Variants in TRAPPC9 observed in about 807,000 individuals in gnomAD.
TRAPPC9 encodes IKK2 binding protein.
A neutral mutation model predicts 124.0 loss-of-function variants in TRAPPC9; 83 were observed. That is an observed-to-expected ratio of 0.67 (90% CI 0.56 to 0.80). TRAPPC9 has a LOEUF of 0.80. Ranked by LOEUF, TRAPPC9 falls within the 30% of genes least tolerant of loss-of-function variation. The pLI is 0.00. For synonymous variants in TRAPPC9, 638 were observed against 617.5 expected, an observed-to-expected ratio of 1.03 and a Z score of -0.49; for missense variants, 1,302 against 1,508.3, an observed-to-expected ratio of 0.86 and a Z score of 2.27.
In TRAPPC9 at chr8:140,111,816, C is replaced by T. The variant is rs531798960; in HGVS notation, c.2557-87737G>A. On this transcript the variant is annotated intron_variant, in intron 17 of 22. Coordinates refer to ENST00000438773, the MANE Select transcript of TRAPPC9 (RefSeq NM_001160372.4). ...GTGATCGGTGTGATAGATTAACATA[C>T]AGAAAACAGTGGGCAGATAAAACTC... Among the ~76,000 whole-genome samples, 3 of 152,338 alleles carry T rather than the reference C, an allele frequency of 2.0e-5. No homozygotes were observed. The South Asian group carries it at 6.2e-4, about 32-fold the overall frequency.
chr8:140,438,806 C>G (rs1234792257), intron 3 of TRAPPC9, among the ~76,000 whole-genome samples: 1 of 152,156 alleles, frequency 6.6e-6, no homozygotes, highest in Non-Finnish European at 1.5e-5. Flanking sequence ...ATTCTGCTGC[C>G]TCCGCCTCCC....
rs955684210 is a variant in TRAPPC9, at chr8:140,329,399, G to A, written c.1496-18025C>T. On this transcript the variant is annotated intron_variant, in intron 9 of 22. Transcript: ENST00000438773. ...GCAGCAACAAATTAAAAATGGGACA[G>A]GAGCAGACAAAGCGATGGCTCGTCT... Among the ~76,000 whole-genome samples, 3 of 152,320 alleles carry A rather than the reference G, an allele frequency of 2.0e-5. No homozygotes were observed. The East Asian group carries it at 5.8e-4, about 29-fold the overall frequency.
intron 11 of TRAPPC9, among the ~76,000 whole-genome samples, chr8:140,298,655 G>A (rs528719629): frequency 3.2e-4 from 47 of 148,886 alleles, no homozygotes; most frequent in African/African-American, 9.6e-4. Flanking sequence ...CTGTCTCAAA[G>A]AAAAAAAAAA....
chr8:140,337,543 T>C (rs1451236493), intron 9 of TRAPPC9, among the ~76,000 whole-genome samples: 1 of 151,992 alleles, frequency 6.6e-6, no homozygotes, highest in East Asian at 1.9e-4. Flanking sequence ...AAAGCAGAGA[T>C]AGAGAACAAG....
intron 9 of TRAPPC9, among the ~76,000 whole-genome samples, chr8:140,341,727 AG>A (rs2067200682): frequency 6.6e-6 from 1 of 152,080 alleles, no homozygotes; most frequent in South Asian, 2.1e-4. Context: ...TTCTACCAAA[AG>A]GTGTCAAGGA....
Position 140,221,497 on chromosome 8 carries a change from G to A in TRAPPC9, c.2518C>T (p.Pro840Ser). The change falls in exon 17 of 23, where the codon CCC (proline) becomes TCC (serine). Residue 840 changes from proline (P) to serine (S), a missense_variant. Transcript: ENST00000438773. ...TAGTCGCCTGCTTTGTTGCTCTCGG[G>A]TGGGTTCACAGGTTTGCCCTCCACT... ...PRVEGKPVNPPESNKAGDYSH... is the reference protein window; with the variant it reads ...PRVEGKPVNPSESNKAGDYSH... The A allele has an allele frequency of 6.2e-7, 1 of 1,614,148 alleles. No individual in the cohort carries two copies. The highest frequency in any genetic ancestry group is 1.3e-5 in the African/African-American group (1 of 75,036).
intron 17 of TRAPPC9, among the ~76,000 whole-genome samples, chr8:140,212,687 A>T (rs2063087228): frequency 6.6e-6 from 1 of 152,266 alleles, no homozygotes; most frequent in Admixed American, 6.5e-5. Flanking sequence ...TAGATTTCAT[A>T]TTATTTCTCC....
At chr8:140,194,376 T>A (rs2062583581) in intron 17 of TRAPPC9, among the ~76,000 whole-genome samples, 1 of 152,120 alleles carries the variant, frequency 6.6e-6, no homozygotes. Context: ...TGCACATCCT[T>A]CTGTATAACT....
chr8:140,214,172 G>C lies in TRAPPC9; in HGVS notation c.2556+7287C>G, dbSNP rs72688840. Among the ~76,000 whole-genome samples the C allele has an allele frequency of 3.2e-3, 491 of 152,326 alleles. 1 individual carries two copies. Among genetic ancestry groups the C allele is most frequent in the Non-Finnish European group, 5.5e-3 (377 of 68,016 alleles). ...AGTCCGTGATGTGGGCACCAAGTTT[G>C]GGCCCTTCTCAGAAGGGCTCTCAAT... On this transcript the variant is annotated intron_variant, in intron 17 of 22. Transcript: ENST00000438773.
At position 140,419,607 on chromosome 8, in the gene TRAPPC9, C is replaced by T. The variant is rs1416183892; in HGVS notation, c.886+7008G>A. The stretch of plus-strand genomic sequence containing the variant: ...TCATCCAAATTAGAAAGGAAGAGGC[C>T]GGGTGCGGTGGCTCACGCTTGTAAT... On this transcript the variant is annotated intron_variant, in intron 5 of 22. Coordinates refer to ENST00000438773, the MANE Select transcript of TRAPPC9 (RefSeq NM_001160372.4). Among the ~76,000 whole-genome samples, 5 of 151,590 alleles carry T rather than the reference C, an allele frequency of 3.3e-5. No homozygotes were observed. The South Asian group carries it at 6.3e-4, about 19-fold the overall frequency.
chr8:139,942,228 G>A (rs960502385), intron 19 of TRAPPC9, among the ~76,000 whole-genome samples: 23 of 152,162 alleles, frequency 1.5e-4, no homozygotes, highest in Non-Finnish European at 2.8e-4. Flanking sequence ...TGACATCTCC[G>A]CCTGCTGAGC....
chr8:140,322,053 C>T (rs2066609416), intron 9 of TRAPPC9, among the ~76,000 whole-genome samples: 1 of 152,198 alleles, frequency 6.6e-6, no homozygotes, highest in Non-Finnish European at 1.5e-5. Context: ...GGACCCTTCA[C>T]TGAGTGCAAG....
At chr8:140,117,789 A>G (rs2060916617) in intron 17 of TRAPPC9, among the ~76,000 whole-genome samples, 1 of 152,242 alleles carries the variant, frequency 6.6e-6, no homozygotes, top group African/African-American at 2.4e-5. Flanking sequence ...CTCACTGAGC[A>G]GCAAAAGTAA....
At chr8:140,197,003 C>T (rs962735095) in intron 17 of TRAPPC9, among the ~76,000 whole-genome samples, 1 of 152,210 alleles carries the variant, frequency 6.6e-6, no homozygotes, top group Non-Finnish European at 1.5e-5. Context: ...CAGCGCATAG[C>T]AATTGCCAGG....
intron 6 of TRAPPC9, among the ~76,000 whole-genome samples, chr8:140,401,395 A>C (rs73713122): frequency 0.051 from 7,830 of 152,308 alleles, 478 homozygotes; most frequent in African/African-American, 0.14. Flanking sequence ...ATACCTGCTT[A>C]AATACCAACA....
At position 139,900,815 on chromosome 8, in the gene TRAPPC9, T is replaced by C. The variant is rs568132650; in HGVS notation, c.2964+9332A>G. 9.9e-5 allele frequency among the ~76,000 whole-genome samples: 15 copies of C among 152,254 alleles called. No homozygotes were observed. The South Asian group carries it at 3.1e-3, about 32-fold the overall frequency. ...TGGGGCAGCTTTGAGATCCTGTCTA[T>C]ATTTATGTGACTGAAGTCTACCATG... On this transcript the variant is annotated intron_variant, in intron 20 of 22. Coordinates refer to ENST00000438773, the MANE Select transcript of TRAPPC9 (RefSeq NM_001160372.4).
chr8:140,037,770 CACACACAGACAT>C (rs1840996251), intron 17 of TRAPPC9, among the ~76,000 whole-genome samples: 1 of 148,262 alleles, frequency 6.7e-6, no homozygotes, highest in Non-Finnish European at 1.5e-5. Context: ...ACACCCAAAA[CACACACAGACAT>C]GCACACCACA....
rs958664938 is a variant in TRAPPC9, at chr8:140,063,854, T to C, written c.2557-39775A>G. 2.0e-5 allele frequency among the ~76,000 whole-genome samples: 3 copies of C among 152,080 alleles called. No homozygotes were observed. The highest frequency in any genetic ancestry group is 2.0e-4 in the Admixed American group (3 of 15,270). The stretch of plus-strand genomic sequence containing the variant: ...CCTTTCGGGTTCACAATTTGCCCGC[T>C]TCCTATCACACCCCTAAATGCAAGG... On this transcript the variant is annotated intron_variant, in intron 17 of 22. Coordinates refer to ENST00000438773, the MANE Select transcript of TRAPPC9 (RefSeq NM_001160372.4). The surrounding 1 kb of genome is among the most constrained non-coding windows in gnomAD (Gnocchi z 4.3).
At chr8:139,887,063 G>A (rs949224862) in intron 20 of TRAPPC9, among the ~76,000 whole-genome samples, 1 of 152,106 alleles carries the variant, frequency 6.6e-6, no homozygotes, top group African/African-American at 2.4e-5. Flanking sequence ...ATGGTCCAAT[G>A]CAATAGCCAC....
Sources: allele counts gnomAD v4.1 joint callset (sites outside exome capture counted in the v4.1 genomes callset), GRCh38; gene constraint gnomAD v4.1.1; non-coding constraint Gnocchi (gnomAD v3.1); transcripts MANE v1.5; gene names NCBI Gene and HGNC (gene_info 2026-07-23, HGNC 2026-07-21).